STARD13: variants seen among roughly 807,000 people sequenced by gnomAD.
STARD13 encodes the protein stAR-related lipid transfer protein 13.
Under a neutral mutation model 106.4 loss-of-function variants are expected in STARD13, and 62 were observed. That is an observed-to-expected ratio of 0.58 (90% CI 0.48 to 0.72). The LOEUF (loss-of-function observed/expected upper bound fraction) is 0.72, where lower values mean the gene tolerates loss of function less well. STARD13 is among the 30% of genes least tolerant of loss of function. The pLI, the probability that STARD13 is intolerant of heterozygous loss-of-function variation, is 0.00. For missense variants in STARD13, 1,387 were observed against 1,424.0 expected (o/e 0.97, Z 0.42); for synonymous variants, 565 against 553.0 (o/e 1.02, Z -0.31).
chr13:33,324,709 A>G (rs1168906137), intron 1 of STARD13, among the ~76,000 whole-genome samples: 1 of 152,200 alleles, frequency 6.6e-6, no homozygotes, highest in East Asian at 1.9e-4. Context: ...TTCAATTTTT[A>G]GCATTTGTAT....
chr13:33,609,197 A>G, the STARD13 span, among the ~76,000 whole-genome samples: 1 of 152,108 alleles, frequency 6.6e-6, no homozygotes, highest in African/African-American at 2.4e-5. Context: ...GGAAAATCAT[A>G]TACTGGAAAA....
chr13:33,582,984 A>T, the STARD13 span, among the ~76,000 whole-genome samples: 1 of 152,224 alleles, frequency 6.6e-6, no homozygotes, highest in African/African-American at 2.4e-5. Flanking sequence ...AGGGATGAGC[A>T]TAGGCACTTT....
the STARD13 span, among the ~76,000 whole-genome samples, chr13:33,360,254 T>C: frequency 2.3e-3 from 345 of 151,642 alleles, 1 homozygote; most frequent in African/African-American, 7.8e-3. Context: ...GCCCAGGCTG[T>C]AGTGCCATGG....
chr13:33,285,406 TTAGCATGAA>T, intron 1 of STARD13, 55 bp downstream of exon 1: 1 of 1,516,318 alleles, frequency 6.6e-7, no homozygotes, highest in Non-Finnish European at 8.9e-7. Context: ...AAAAACTGGG[TTAGCATGAA>T]ATAGAGCCAA....
At chr13:33,552,272 C>G in the STARD13 span, among the ~76,000 whole-genome samples, 3 of 152,154 alleles carry the variant, frequency 2.0e-5, no homozygotes, top group Non-Finnish European at 4.4e-5. Context: ...TTAACACTTA[C>G]ACAACACGAT....
chr13:33,235,005 G>A (rs1566089646), intron 1 of STARD13, among the ~76,000 whole-genome samples: 2 of 152,154 alleles, frequency 1.3e-5, no homozygotes, highest in Non-Finnish European at 1.5e-5. Flanking sequence ...ATGTAAAAAT[G>A]TTCAGAAAAC....
chr13:33,564,999 A>T, the STARD13 span, among the ~76,000 whole-genome samples: 3 of 146,158 alleles, frequency 2.1e-5, no homozygotes, highest in Non-Finnish European at 4.5e-5. Context: ...AAAAAAAAAA[A>T]AAAAAGAAAA....
At chr13:33,665,322 T>TA in the STARD13 span, among the ~76,000 whole-genome samples, 2 of 151,982 alleles carry the variant, frequency 1.3e-5, no homozygotes, top group Admixed American at 1.3e-4. Context: ...AGTATTTAAT[T>TA]AAAAAAAATC....
At chr13:33,360,365 C>T in the STARD13 span, among the ~76,000 whole-genome samples, 3 of 151,962 alleles carry the variant, frequency 2.0e-5, no homozygotes, top group Non-Finnish European at 4.4e-5. Flanking sequence ...CCACCACTCC[C>T]GGCTAGTTTT....
the STARD13 span, among the ~76,000 whole-genome samples, chr13:33,629,653 A>C: frequency 1.3e-5 from 2 of 152,246 alleles, no homozygotes; most frequent in African/African-American, 2.4e-5. Context: ...GTATGAGACT[A>C]TATGGCATTC....
At chr13:33,206,153 GCACA>G in intron 1 of STARD13, 2 of 298,082 alleles carry the variant, frequency 6.7e-6, no homozygotes, top group Non-Finnish European at 9.9e-6. Context: ...TGCCGCTCTG[GCACA>G]TACCAGAGGA....
At chr13:33,159,099 C>T (rs980589860) in intron 3 of STARD13, among the ~76,000 whole-genome samples, 3 of 152,140 alleles carry the variant, frequency 2.0e-5, no homozygotes, top group African/African-American at 4.8e-5. Flanking sequence ...CAAGCCGGGC[C>T]CTTATCAGGA....
At chr13:33,569,562 A>T in the STARD13 span, among the ~76,000 whole-genome samples, 1 of 147,670 alleles carries the variant, frequency 6.8e-6, no homozygotes, top group African/African-American at 2.5e-5. Context: ...AAGGGAAAAG[A>T]TGTTAAATGA....
the STARD13 span, among the ~76,000 whole-genome samples, chr13:33,445,764 A>T: frequency 3.3e-5 from 5 of 152,246 alleles, no homozygotes; most frequent in South Asian, 2.1e-4. Context: ...GAGGAAGCAG[A>T]AGAGGGGCCA....
intron 1 of STARD13, among the ~76,000 whole-genome samples, chr13:33,208,327 C>T (rs1010485020): frequency 6.6e-6 from 1 of 151,874 alleles, no homozygotes; most frequent in African/African-American, 2.4e-5. Flanking sequence ...GAGGGAGGAC[C>T]CAGGAGAGAG....
In STARD13 at chr13:33,126,237, T is replaced by A. The variant is rs1980781; in HGVS notation, c.1926A>T (p.Ser642=). 2 of 1,613,568 alleles carry A rather than the reference T, an allele frequency of 1.2e-6. No homozygotes were observed. Among genetic ancestry groups the A allele is most frequent in the Non-Finnish European group, 8.5e-7 (1 of 1,179,702 alleles). ...SMSNKHGWTW[S]VPKFMKRMKV... ...TCATCCTCTTCATGAACTTTGGAAC[T>A]GACCTAGAATTTACAGAAACCAGGT... The change falls in exon 7 of 14, where the codon TCA becomes TCT. Residue 642 remains serine, a synonymous_variant. Transcript: ENST00000336934.
chr13:33,421,697 TAA>T, the STARD13 span, among the ~76,000 whole-genome samples: 248 of 152,254 alleles, frequency 1.6e-3, no homozygotes, highest in Non-Finnish European at 3.1e-3. Context: ...AAATCCTCAA[TAA>T]AATACCAGCA....
At chr13:33,594,652 A>T in the STARD13 span, among the ~76,000 whole-genome samples, 2 of 152,140 alleles carry the variant, frequency 1.3e-5, no homozygotes, top group South Asian at 4.2e-4. Context: ...CCGAAACTCA[A>T]CCCATTAAAC....
At chr13:33,349,321 C>T in intron 1 of STARD13, 1 of 691,716 alleles carries the variant, frequency 1.4e-6, no homozygotes, top group South Asian at 1.5e-5. Flanking sequence ...CTTCCAGCAG[C>T]CAACATGTTG....
Sources: gnomAD v4.1 joint callset for allele counts (sites outside exome capture counted in the v4.1 genomes callset) on GRCh38, gnomAD v4.1.1 for gene constraint, MANE v1.5 for transcripts, NCBI Gene and HGNC (gene_info 2026-07-23, HGNC 2026-07-21) for gene names.